MYO3B: variants seen among roughly 807,000 people sequenced by gnomAD.
MYO3B encodes the protein myosin-IIIb.
Under a neutral mutation model 174.6 loss-of-function variants are expected in MYO3B, and 156 were observed. The observed-to-expected ratio is 0.89, with a 90% confidence interval of 0.78 to 1.02. The LOEUF (loss-of-function observed/expected upper bound fraction) is 1.02. MYO3B is among the 50% of genes least tolerant of loss of function. The pLI is 0.00. For missense variants in MYO3B, 1,632 were observed against 1,639.4 expected (o/e 1.00, Z 0.08); for synonymous variants, 563 against 569.1 (o/e 0.99, Z 0.15).
intron 15 of MYO3B, 51 bp downstream of exon 15, chr2:170,391,669 A>T (rs914293631): frequency 1.8e-6 from 2 of 1,082,712 alleles, no homozygotes; most frequent in African/African-American, 3.2e-5. Context: ...TACGATTAGC[A>T]GTTGACAAAC....
intron 16 of MYO3B, 144 bp from the exon 17 acceptor site, chr2:170,400,044 G>A: frequency 9.7e-7 from 1 of 1,028,160 alleles, no homozygotes; most frequent in Admixed American, 2.1e-5. Context: ...TAACTGCAAA[G>A]AAGTTTGGGA....
intron 1 of MYO3B, among the ~76,000 whole-genome samples, chr2:170,185,065 C>A (rs2092446467): frequency 6.6e-6 from 1 of 151,928 alleles, no homozygotes; most frequent in Non-Finnish European, 1.5e-5. Flanking sequence ...CTTATATATT[C>A]TCATTATTAA....
chr2:170,273,216 A>G (rs912035333), intron 7 of MYO3B, among the ~76,000 whole-genome samples: 11 of 152,112 alleles, frequency 7.2e-5, no homozygotes, highest in Non-Finnish European at 1.6e-4. Flanking sequence ...CCCAGTGACC[A>G]TGTGGGGGTT....
intron 7 of MYO3B, among the ~76,000 whole-genome samples, chr2:170,310,916 A>AC (rs1411007163): frequency 2.6e-5 from 4 of 151,702 alleles, no homozygotes; most frequent in Non-Finnish European, 5.9e-5. Context: ...TGCATGTTAG[A>AC]CCCCCCACTT....
intron 32 of MYO3B, among the ~76,000 whole-genome samples, chr2:170,636,398 TTC>T (rs973599186): frequency 1.0e-4 from 15 of 143,138 alleles, no homozygotes; most frequent in African/African-American, 4.1e-4. Context: ...CTCCATGAAT[TTC>T]TTTTTTTTTT....
intron 7 of MYO3B, among the ~76,000 whole-genome samples, chr2:170,267,933 T>G (rs1233103303): frequency 6.6e-6 from 1 of 152,046 alleles, no homozygotes; most frequent in Non-Finnish European, 1.5e-5. Flanking sequence ...AAAGTCCAGG[T>G]GTGGTGGCTC....
At chr2:170,634,501 A>G (rs180920765) in intron 32 of MYO3B, among the ~76,000 whole-genome samples, 3,499 of 152,346 alleles carry the variant, frequency 0.023, 168 homozygotes, top group East Asian at 0.14. Flanking sequence ...TGTTAGACCT[A>G]AAACCATAAA....
intron 22 of MYO3B, among the ~76,000 whole-genome samples, chr2:170,441,899 G>A (rs1359923049): frequency 6.6e-6 from 1 of 152,104 alleles, no homozygotes; most frequent in Non-Finnish European, 1.5e-5. Context: ...TTTATGATCT[G>A]TATTTTGTGC....
intron 9 of MYO3B, among the ~76,000 whole-genome samples, chr2:170,378,927 C>T (rs2094314085): frequency 6.6e-6 from 1 of 152,204 alleles, no homozygotes; most frequent in Non-Finnish European, 1.5e-5. Context: ...TGACTTCCTT[C>T]CCCAGTCTGC....
rs571399412 is a variant in MYO3B at position 170,504,931 on chromosome 2, C to T, written c.3370+3066C>T. Among the ~76,000 whole-genome samples, 13 of 152,234 alleles carry T rather than the reference C, an allele frequency of 8.5e-5. No homozygotes were observed. In the South Asian group the frequency reaches 2.1e-3, roughly 24 times the overall value. On this transcript the variant is annotated intron_variant, in intron 28 of 34. Coordinates refer to ENST00000408978, the MANE Select transcript of MYO3B (RefSeq NM_138995.5). ...CAGGGCTCCAGATTGGAAACCTCTC[C>T]CCCAACTCAGTGGGTCATTTCTTGC... is the stretch of plus-strand genomic sequence containing the variant.
At chr2:170,652,051 T>C in intron 33 of MYO3B, 57 bp from the exon 34 acceptor site, 1 of 1,554,734 alleles carries the variant, frequency 6.4e-7, no homozygotes, top group East Asian at 2.2e-5. Context: ...CACTTTGAAT[T>C]AAAAATTAAC....
rs371991709 is a variant in MYO3B, at chr2:170,463,805, C to A, written c.2808+360C>A. On this transcript the variant is annotated intron_variant, in intron 24 of 34. Coordinates refer to ENST00000408978, the MANE Select transcript of MYO3B (RefSeq NM_138995.5). ...ACTTTATTTTCCTAGATTGAATTGA[C>A]CCCTTGTAAAACCCACTTGTCTGAG... Among the ~76,000 whole-genome samples, 17 of 152,276 alleles carry A rather than the reference C, an allele frequency of 1.1e-4. No homozygotes were observed. The South Asian group carries it at 2.7e-3, about 24-fold the overall frequency.
chr2:170,379,198 T>G (rs994490073), intron 9 of MYO3B, among the ~76,000 whole-genome samples: 1,914 of 148,288 alleles, frequency 0.013, 109 homozygotes, highest in Admixed American at 0.11. Context: ...GGTACAATTT[T>G]TTTTTTTTTT....
chr2:170,396,882 A>AT (rs1024555221), intron 16 of MYO3B, among the ~76,000 whole-genome samples: 7 of 152,212 alleles, frequency 4.6e-5, no homozygotes, highest in South Asian at 2.1e-4. Flanking sequence ...AAATACATTT[A>AT]TTTTTTCTAA....
intron 32 of MYO3B, among the ~76,000 whole-genome samples, chr2:170,559,531 T>G (rs1691568901): frequency 6.6e-6 from 1 of 152,126 alleles, no homozygotes; most frequent in Non-Finnish European, 1.5e-5. Flanking sequence ...GGTGTTTTGT[T>G]TAGTTTGGAC....
chr2:170,338,193 A>G (rs1163942038), intron 8 of MYO3B: 2 of 152,204 alleles, frequency 1.3e-5, no homozygotes, highest in Non-Finnish European at 1.5e-5. Flanking sequence ...ACAGAAAACA[A>G]TGCCTTTGAG....
In MYO3B at chr2:170,465,171, C is replaced by T. The variant is rs115964621; in HGVS notation, c.2809-1335C>T. ...TACAGGCATGAGCCACTGTGCCCAG[C>T]CAAGACTGGATAATTTATAAAGAAA... On this transcript the variant is annotated intron_variant, in intron 24 of 34. Transcript: ENST00000408978. Among the ~76,000 whole-genome samples, 1,451 of 152,152 alleles carry T rather than the reference C, an allele frequency of 9.5e-3. 51 individuals are homozygous for T. The highest frequency in any genetic ancestry group is 0.084 in the East Asian group (434 of 5,174).
chr2:170,524,280 A>T (rs115088007), intron 30 of MYO3B, among the ~76,000 whole-genome samples: 2 of 152,266 alleles, frequency 1.3e-5, no homozygotes, highest in Non-Finnish European at 2.9e-5. Flanking sequence ...GCTCATAAAC[A>T]TTATCTCAGA....
intron 32 of MYO3B, among the ~76,000 whole-genome samples, chr2:170,636,112 T>A (rs910290619): frequency 6.9e-4 from 105 of 152,330 alleles, no homozygotes; most frequent in Non-Finnish European, 1.0e-4. Flanking sequence ...ATACTTTAGA[T>A]CTGACATATT....
Sources: allele counts gnomAD v4.1 joint callset (sites outside exome capture counted in the v4.1 genomes callset), GRCh38; gene constraint gnomAD v4.1.1; transcripts MANE v1.5; gene names NCBI Gene and HGNC (gene_info 2026-07-23, HGNC 2026-07-21).